GLG1: variants seen among roughly 807,000 people sequenced by gnomAD.
GLG1 encodes golgi glycoprotein 1.
GLG1 carries 38 observed loss-of-function variants against 160.5 expected under a neutral mutation model. The observed-to-expected ratio is 0.24, with a 90% CI of 0.18 to 0.31. The LOEUF (loss-of-function observed/expected upper bound fraction) is 0.31, where lower values mean the gene tolerates loss of function less well. GLG1 is among the 10% of genes least tolerant of loss of function. The pLI, the probability that GLG1 is intolerant of heterozygous loss-of-function variation, is 1.00. For synonymous variants in GLG1, 644 were observed against 543.4 expected (o/e 1.19, Z -2.57); for missense variants, 1,373 against 1,505.2 (o/e 0.91, Z 1.45).
intron 2 of GLG1, among the ~76,000 whole-genome samples, chr16:74,525,778 G>C (rs1452275063): frequency 2.0e-5 from 3 of 149,666 alleles, no homozygotes; most frequent in African/African-American, 7.4e-5. Context: ...TATATGATTT[G>C]TAAGTATTTT....
At chr16:74,465,888 A>T in intron 18 of GLG1, 75 bp from the exon 19 acceptor site, 1 of 1,243,342 alleles carries the variant, frequency 8.0e-7, no homozygotes, top group Non-Finnish European at 1.2e-6. Flanking sequence ...TGAAACATTC[A>T]GCTCCACTGT....
chr16:74,485,700 G>T (rs1217905281), intron 9 of GLG1, 96 bp downstream of exon 9: 2 of 1,116,812 alleles, frequency 1.8e-6, no homozygotes, highest in Non-Finnish European at 2.6e-6. Context: ...TTTCAGTTAA[G>T]ATGTCAACAA....
chr16:74,537,677 C>T (rs2017724042), intron 1 of GLG1, among the ~76,000 whole-genome samples: 1 of 144,988 alleles, frequency 6.9e-6, no homozygotes, highest in South Asian at 2.4e-4. Context: ...GCGGTTCTTT[C>T]CAGCTTTATG....
At chr16:74,521,468 T>C (rs1028511636) in intron 2 of GLG1, among the ~76,000 whole-genome samples, 5 of 152,034 alleles carry the variant, frequency 3.3e-5, no homozygotes, top group Admixed American at 3.3e-4. Flanking sequence ...TCAGGATATA[T>C]TTCAAGGAGC....
chr16:74,503,120 T>C (rs1349157028), intron 4 of GLG1, among the ~76,000 whole-genome samples: 1 of 151,616 alleles, frequency 6.6e-6, no homozygotes. Flanking sequence ...GGCAGGAGAA[T>C]CACTTGAACC....
intron 1 of GLG1, among the ~76,000 whole-genome samples, chr16:74,582,086 CT>C (rs1470528160): frequency 2.0e-5 from 3 of 152,062 alleles, no homozygotes; most frequent in Non-Finnish European, 2.9e-5. Flanking sequence ...GTTTCTTTGC[CT>C]TTAAAACAGA....
At chr16:74,531,698 T>G (rs1047908129) in intron 2 of GLG1, among the ~76,000 whole-genome samples, 12 of 152,214 alleles carry the variant, frequency 7.9e-5, no homozygotes, top group African/African-American at 2.7e-4. Flanking sequence ...CTCCAGTGTC[T>G]TCTGTATAGA....
At chr16:74,498,467 T>TATATATATATATATATATATATA (rs1555510304) in intron 4 of GLG1, among the ~76,000 whole-genome samples, 4 of 55,898 alleles carry the variant, frequency 7.2e-5, no homozygotes, top group Non-Finnish European at 1.1e-4. Flanking sequence ...TATATATATA[T>TATATATATATATATATATATATA]TATATTTTAT....
intron 1 of GLG1, among the ~76,000 whole-genome samples, chr16:74,572,674 C>G (rs572171554): frequency 2.0e-5 from 3 of 152,308 alleles, no homozygotes; most frequent in South Asian, 4.1e-4. Context: ...TGCACCTCTT[C>G]CAACTGGCTG....
intron 10 of GLG1, 78 bp from the exon 11 acceptor site, chr16:74,480,472 G>A: frequency 2.0e-6 from 2 of 999,660 alleles, no homozygotes; most frequent in Non-Finnish European, 3.0e-6. Flanking sequence ...TTTTTATGAG[G>A]TGTTTGCTTG....
intron 2 of GLG1, among the ~76,000 whole-genome samples, chr16:74,530,645 T>C (rs2017503518): frequency 1.3e-5 from 2 of 152,222 alleles, no homozygotes; most frequent in East Asian, 1.9e-4. Flanking sequence ...TTTTTTTTTT[T>C]TCTTTTTAAG....
rs546349439 is a variant in GLG1, at chr16:74,457,935, A to G, written c.3204T>C (p.His1068=). ...KADIFVDPVL[H]TACALDIKHH... is the part of the protein sequence containing the mutation. ...GTTTAATGTCCAGGGCACAAGCAGT[A>G]TGAAGTACCGGGTCAACAAAGATGT... is the stretch of plus-strand genomic sequence containing the variant. Residue 1068 remains histidine (H), a synonymous_variant, in exon 24 of 26, where the codon CAT becomes CAC. Coordinates refer to ENST00000422840, the MANE Select transcript of GLG1 (RefSeq NM_001145667.2). 6.2e-7 allele frequency: 1 copy of G among 1,613,962 alleles called. No homozygotes were observed. The highest frequency in any genetic ancestry group is 1.3e-5 in the African/African-American group (1 of 75,048).
intron 2 of GLG1, among the ~76,000 whole-genome samples, chr16:74,524,313 G>A (rs997787113): frequency 6.6e-6 from 1 of 151,998 alleles, no homozygotes; most frequent in Non-Finnish European, 1.5e-5. Flanking sequence ...GGACCTCTAC[G>A]ATAATAAGTA....
At chr16:74,523,201 T>C (rs554893692) in intron 2 of GLG1, among the ~76,000 whole-genome samples, 66 of 152,368 alleles carry the variant, frequency 4.3e-4, no homozygotes, top group Non-Finnish European at 6.3e-4. Context: ...GATATTTTCC[T>C]ATTTAGAAAT....
At chr16:74,460,725 C>A (rs1374459467) in intron 22 of GLG1, among the ~76,000 whole-genome samples, 1 of 152,190 alleles carries the variant, frequency 6.6e-6, no homozygotes, top group Non-Finnish European at 1.5e-5. Context: ...AGGACTGGCA[C>A]ACAGAGTGGA....
chr16:74,549,477 G>A (rs1314793186), intron 1 of GLG1, among the ~76,000 whole-genome samples: 3 of 152,140 alleles, frequency 2.0e-5, no homozygotes, highest in South Asian at 2.1e-4. Context: ...TAGTAGAGAC[G>A]GGGTTTCACT....
chr16:74,495,123 T>C (rs2016138721), intron 5 of GLG1, among the ~76,000 whole-genome samples: 1 of 150,402 alleles, frequency 6.6e-6, no homozygotes, highest in Admixed American at 6.6e-5. Flanking sequence ...TTTTTTTTTT[T>C]TTTTGAGATA....
intron 25 of GLG1, 111 bp downstream of exon 25, chr16:74,456,520 TATCTAAAAGAGGCTGGAC>T (rs2014547404): frequency 1.4e-6 from 1 of 690,292 alleles, no homozygotes; most frequent in Admixed American, 2.6e-5. Flanking sequence ...ACCAGTGCGA[TATCTAAAAGAGGCTGGAC>T]AGCCACAGCG....
intron 2 of GLG1, among the ~76,000 whole-genome samples, chr16:74,529,469 A>T (rs1389316758): frequency 6.6e-6 from 1 of 151,994 alleles, no homozygotes; most frequent in Non-Finnish European, 1.5e-5. Context: ...TATTTTATTT[A>T]TAGGAAAATA....
Sources: gnomAD v4.1 joint callset for allele counts (sites outside exome capture counted in the v4.1 genomes callset) on GRCh38, gnomAD v4.1.1 for gene constraint, MANE v1.5 for transcripts, NCBI Gene and HGNC (gene_info 2026-07-23, HGNC 2026-07-21) for gene names.